Variants in COX7B2 observed in about 807,000 individuals in gnomAD.
COX7B2 encodes the protein cytochrome c oxidase subunit 7B2, mitochondrial.
For synonymous variants in COX7B2, 37 were observed against 32.1 expected (o/e 1.15, Z -0.51); for missense variants, 109 against 95.9 (o/e 1.14, Z -0.57).
At chr4:46,774,200 A>T (rs59542749) in intron 2 of COX7B2, among the ~76,000 whole-genome samples, 5,126 of 152,192 alleles carry the variant, frequency 0.034, 231 homozygotes, top group African/African-American at 0.1. Flanking sequence ...GCAAGTGTTT[A>T]TCTTAAAACA....
At chr4:46,864,726 G>A (rs920984660) in intron 1 of COX7B2, among the ~76,000 whole-genome samples, 1 of 151,592 alleles carries the variant, frequency 6.6e-6, no homozygotes, top group Non-Finnish European at 1.5e-5. Flanking sequence ...CTCACTGCAA[G>A]CTCCACCTCC....
At chr4:46,750,140 C>T (rs1278338668) in intron 2 of COX7B2, among the ~76,000 whole-genome samples, 1 of 150,394 alleles carries the variant, frequency 6.6e-6, no homozygotes, top group Non-Finnish European at 1.5e-5. Flanking sequence ...GTGGAAGGAT[C>T]GCTTGAGGCC....
At chr4:46,883,025 G>A (rs1577694689) in intron 1 of COX7B2, among the ~76,000 whole-genome samples, 1 of 152,144 alleles carries the variant, frequency 6.6e-6, no homozygotes, top group East Asian at 1.9e-4. Flanking sequence ...TATAAGTTAA[G>A]ATTAATTTTT....
intron 2 of COX7B2, among the ~76,000 whole-genome samples, chr4:46,751,825 G>A (rs542761813): frequency 5.8e-5 from 4 of 69,388 alleles, no homozygotes; most frequent in Admixed American, 3.8e-4. Flanking sequence ...TAGCCTTGTA[G>A]TAGTATAGTT....
chr4:46,873,160 T>C (rs1718105201), intron 1 of COX7B2, among the ~76,000 whole-genome samples: 2 of 152,336 alleles, frequency 1.3e-5, no homozygotes, highest in African/African-American at 4.8e-5. Flanking sequence ...ACTCATCCTT[T>C]TTTACAGCTG....
chr4:46,848,889 T>C (rs923967489), intron 1 of COX7B2, among the ~76,000 whole-genome samples: 1 of 152,016 alleles, frequency 6.6e-6, no homozygotes, highest in African/African-American at 2.4e-5. Context: ...TTCCCTTATA[T>C]AAAATGGTGT....
At chr4:46,823,966 T>C (rs1714493893) in intron 2 of COX7B2, among the ~76,000 whole-genome samples, 1 of 151,636 alleles carries the variant, frequency 6.6e-6, no homozygotes, top group Non-Finnish European at 1.5e-5. Context: ...TTTAAAATAC[T>C]ATAAAACTCT....
At chr4:46,765,463 C>A (rs780479518) in intron 2 of COX7B2, among the ~76,000 whole-genome samples, 1 of 152,116 alleles carries the variant, frequency 6.6e-6, no homozygotes, top group African/African-American at 2.4e-5. Context: ...CTCTGTAGCC[C>A]GAAGATCCAA....
At chr4:46,801,725 T>C (rs1718667293) in intron 2 of COX7B2, among the ~76,000 whole-genome samples, 1 of 152,086 alleles carries the variant, frequency 6.6e-6, no homozygotes, top group Admixed American at 6.5e-5. Flanking sequence ...AAAATAAAAG[T>C]TGGAAGGGGA....
chr4:46,907,905 GT>G (rs1254250224), intron 1 of COX7B2, among the ~76,000 whole-genome samples: 2 of 134,326 alleles, frequency 1.5e-5, no homozygotes, highest in Non-Finnish European at 3.1e-5. Flanking sequence ...CCAGGCTGGA[GT>G]GAAATGAGAC....
chr4:46,812,421 C>A (rs73142944), intron 2 of COX7B2, among the ~76,000 whole-genome samples: 4,302 of 151,812 alleles, frequency 0.028, 179 homozygotes, highest in African/African-American at 0.099. Context: ...AACTTGGGCA[C>A]AGCTGCAATT....
At chr4:46,752,128 C>G (rs986833827) in intron 2 of COX7B2, among the ~76,000 whole-genome samples, 1 of 151,964 alleles carries the variant, frequency 6.6e-6, no homozygotes, top group South Asian at 2.1e-4. Context: ...TGAAGAGGTC[C>G]TTCATATCCC....
intron 1 of COX7B2, among the ~76,000 whole-genome samples, chr4:46,857,259 C>A (rs1218187838): frequency 2.0e-5 from 3 of 152,300 alleles, no homozygotes; most frequent in Admixed American, 2.0e-4. Context: ...AACACTTACC[C>A]TATCTGGCTC....
intron 1 of COX7B2, among the ~76,000 whole-genome samples, chr4:46,895,002 G>A (rs1471791638): frequency 6.6e-6 from 1 of 152,070 alleles, no homozygotes; most frequent in African/African-American, 2.4e-5. Context: ...TGAGGTTATT[G>A]AGCAATTGTT....
intron 2 of COX7B2, among the ~76,000 whole-genome samples, chr4:46,770,340 GAA>G (rs920836143): frequency 6.6e-6 from 1 of 152,056 alleles, no homozygotes; most frequent in Non-Finnish European, 1.5e-5. Context: ...TAAAACTACT[GAA>G]GACACAAATA....
chr4:46,804,103 T>C (rs186672022), intron 2 of COX7B2, among the ~76,000 whole-genome samples: 9 of 152,238 alleles, frequency 5.9e-5, no homozygotes, highest in African/African-American at 2.2e-4. Context: ...CTGCAGACCT[T>C]CACAGTGAGT....
chr4:46,830,619 C>A (rs548872857), intron 2 of COX7B2, among the ~76,000 whole-genome samples: 25 of 152,214 alleles, frequency 1.6e-4, no homozygotes, highest in African/African-American at 3.9e-4. Flanking sequence ...GTTCACAGAG[C>A]AATTGTATTG....
intron 2 of COX7B2, among the ~76,000 whole-genome samples, chr4:46,819,598 T>C (rs1267658746): frequency 6.6e-6 from 1 of 152,110 alleles, no homozygotes; most frequent in African/African-American, 2.4e-5. Context: ...TAAGAAAGTT[T>C]ATGAATTTGT....
At chr4:46,760,596 A>C (rs2109471069) in intron 2 of COX7B2, among the ~76,000 whole-genome samples, 1 of 152,226 alleles carries the variant, frequency 6.6e-6, no homozygotes, top group South Asian at 2.1e-4. Flanking sequence ...ATTAGGAGAA[A>C]TACCTAAAGT....
Sources: gnomAD v4.1 joint callset for allele counts (sites outside exome capture counted in the v4.1 genomes callset) on GRCh38, gnomAD v4.1.1 for gene constraint, MANE v1.5 for transcripts, NCBI Gene and HGNC (gene_info 2026-07-23, HGNC 2026-07-21) for gene names.